MAP4K3: variants seen among roughly 807,000 people sequenced by gnomAD.
MAP4K3 encodes mitogen-activated protein kinase kinase kinase kinase 3.
MAP4K3 carries 94 observed loss-of-function variants against 143.5 expected under a neutral mutation model. The ratio of observed to expected loss-of-function variants is 0.65; its 90% CI spans 0.55 to 0.78. The LOEUF is 0.78. Among genes scored for constraint, MAP4K3 ranks in the 30% least tolerant of loss-of-function variants. MAP4K3 has a pLI of 0.00. For synonymous variants in MAP4K3, 416 were observed against 347.2 expected (o/e 1.20, Z -2.20); for missense variants, 1,077 against 1,068.1 (o/e 1.01, Z -0.12).
At chr2:39,420,983 C>T (rs943420565) in intron 1 of MAP4K3, among the ~76,000 whole-genome samples, 8 of 152,142 alleles carry the variant, frequency 5.3e-5, no homozygotes, top group African/African-American at 1.9e-4. Context: ...ATCTATGCCC[C>T]CAGTTTCCCC....
chr2:39,278,221 G>A (rs1205487002), intron 24 of MAP4K3, among the ~76,000 whole-genome samples, 186 bp downstream of exon 24: 5 of 151,472 alleles, frequency 3.3e-5, no homozygotes, highest in Admixed American at 6.6e-5. Flanking sequence ...GCAGTGAGCC[G>A]AGATCACACC....
intron 1 of MAP4K3, among the ~76,000 whole-genome samples, chr2:39,418,815 G>C (rs1291947689): frequency 6.6e-6 from 1 of 152,032 alleles, no homozygotes; most frequent in Admixed American, 6.5e-5. Context: ...TTATCAAAAC[G>C]TCTGTGAAGC....
intron 3 of MAP4K3, among the ~76,000 whole-genome samples, chr2:39,351,025 A>C (rs1665442515): frequency 6.6e-6 from 1 of 152,234 alleles, no homozygotes; most frequent in Non-Finnish European, 1.5e-5. Flanking sequence ...CATAGCATTT[A>C]CACTGTGTTA....
intron 3 of MAP4K3, among the ~76,000 whole-genome samples, chr2:39,354,860 C>T (rs747690905): frequency 6.6e-6 from 1 of 152,042 alleles, no homozygotes; most frequent in Non-Finnish European, 1.5e-5. Context: ...GTGTTTTGTA[C>T]CTGGATCATA....
At chr2:39,272,211 C>A in intron 26 of MAP4K3, 72 bp downstream of exon 26, 1 of 1,197,520 alleles carries the variant, frequency 8.4e-7, no homozygotes, top group Non-Finnish European at 1.2e-6. Context: ...AGTGCTCTTT[C>A]ACTTTCTGTA....
intron 1 of MAP4K3, among the ~76,000 whole-genome samples, chr2:39,404,871 T>C (rs954427587): frequency 6.6e-6 from 1 of 152,176 alleles, no homozygotes; most frequent in African/African-American, 2.4e-5. Flanking sequence ...TCCGCCCGCC[T>C]TGGCCTCCCA....
chr2:39,294,440 A>C (rs1682187213), intron 16 of MAP4K3: 1 of 152,226 alleles, frequency 6.6e-6, no homozygotes, highest in African/African-American at 2.4e-5. Flanking sequence ...ACAAAAAGTG[A>C]GGTACCACAG....
chr2:39,319,728 G>A (rs572738588), intron 12 of MAP4K3, among the ~76,000 whole-genome samples: 5 of 152,254 alleles, frequency 3.3e-5, no homozygotes, highest in Admixed American at 2.0e-4. Flanking sequence ...AATCTGCTAT[G>A]CAGTAGATAA....
intron 17 of MAP4K3, 79 bp downstream of exon 17, chr2:39,293,151 G>T: frequency 1.0e-6 from 1 of 991,552 alleles, no homozygotes; most frequent in Non-Finnish European, 1.5e-6. Flanking sequence ...AAACAAATAG[G>T]CTACATAACA....
intron 1 of MAP4K3, among the ~76,000 whole-genome samples, chr2:39,393,889 G>A (rs1437512540): frequency 6.6e-6 from 1 of 152,164 alleles, no homozygotes; most frequent in Non-Finnish European, 1.5e-5. Context: ...ATCTGCATAT[G>A]TGGACATGTG....
At position 39,437,162 on chromosome 2, in the gene MAP4K3, GACGACAAGCGGCCA is replaced by G. The variant is rs1665520385; in HGVS notation, c.-189_-176del. On this transcript the variant is annotated 5_prime_UTR_variant, in exon 1 of 34. Transcript: ENST00000263881. The stretch of plus-strand genomic sequence containing the variant: ...CCGCTCCCCTCACGCCGCTGCGGAC[GACGACAAGCGGCCA>G]ATCGTCCCCGCCCCCCGCGGCCCGC... 7.5e-6 allele frequency: 3 copies of G among 400,058 alleles called. No homozygotes were observed. In the South Asian group the frequency reaches 2.2e-4, roughly 30 times the overall value. 24.8% of individuals were successfully genotyped at this position (400,058 alleles called of 1,614,324 possible).
At chr2:39,315,508 A>C in intron 12 of MAP4K3, 120 bp from the exon 13 acceptor site, 1 of 591,608 alleles carries the variant, frequency 1.7e-6, no homozygotes, top group Non-Finnish European at 2.7e-6. Flanking sequence ...GCAAAACAGC[A>C]CTTTGCAAAT....
chr2:39,280,135 C>A, intron 23 of MAP4K3, 137 bp downstream of exon 23: 2 of 509,820 alleles, frequency 3.9e-6, no homozygotes, highest in Non-Finnish European at 6.9e-6. Context: ...ACATATTTAC[C>A]TTAAAATAAA....
intron 1 of MAP4K3, among the ~76,000 whole-genome samples, chr2:39,383,210 T>G (rs886884897): frequency 6.6e-6 from 1 of 152,124 alleles, no homozygotes; most frequent in Non-Finnish European, 1.5e-5. Context: ...GGAAAAAGGT[T>G]TAATTGACTC....
At chr2:39,311,539 C>A (rs190964906) in intron 13 of MAP4K3, among the ~76,000 whole-genome samples, 321 of 152,316 alleles carry the variant, frequency 2.1e-3, no homozygotes, top group African/African-American at 7.4e-3. Flanking sequence ...AAGACCAGAG[C>A]AGAAGTTAAC....
At position 39,437,030 on chromosome 2, in the gene MAP4K3, G is replaced by A. The variant is rs1174991635; in HGVS notation, c.-43C>T. 5 of 1,528,284 alleles carry A rather than the reference G, an allele frequency of 3.3e-6. No homozygotes were observed. In the East Asian group the frequency reaches 7.1e-5, roughly 22 times the overall value. 94.7% of individuals were successfully genotyped at this position (1,528,284 alleles called of 1,614,324 possible). On this transcript the variant is annotated 5_prime_UTR_variant, in exon 1 of 34. Transcript: ENST00000263881. Reference sequence around the variant, plus strand: ...CCCCGCCTCCCTCCCGGGCAGGGGAGGGGGGCCGCTCAGGGGGCCACACGG... The same window carrying A: ...CCCCGCCTCCCTCCCGGGCAGGGGAAGGGGGCCGCTCAGGGGGCCACACGG...
At chr2:39,313,079 G>C (rs937599079) in intron 13 of MAP4K3, among the ~76,000 whole-genome samples, 3 of 152,142 alleles carry the variant, frequency 2.0e-5, no homozygotes, top group Admixed American at 2.0e-4. Context: ...CCTTACACTG[G>C]TATCACTCTT....
At chr2:39,284,782 T>C (rs2148470346) in intron 21 of MAP4K3, among the ~76,000 whole-genome samples, 1 of 151,732 alleles carries the variant, frequency 6.6e-6, no homozygotes, top group East Asian at 2.0e-4. Flanking sequence ...AGGTGGAGGT[T>C]GCAGTGAGCC....
At chr2:39,372,508 A>G (rs1666110087) in intron 2 of MAP4K3, among the ~76,000 whole-genome samples, 1 of 152,008 alleles carries the variant, frequency 6.6e-6, no homozygotes, top group African/African-American at 2.4e-5. Flanking sequence ...AAAAAAAAGA[A>G]ACTGTAGGAA....
Sources: allele counts gnomAD v4.1 joint callset (sites outside exome capture counted in the v4.1 genomes callset), GRCh38; gene constraint gnomAD v4.1.1; transcripts MANE v1.5; gene names NCBI Gene and HGNC (gene_info 2026-07-23, HGNC 2026-07-21).